ZNF385D: variants seen among roughly 807,000 people sequenced by gnomAD.
The protein encoded by ZNF385D is zinc finger protein 659.
In ZNF385D, 15 loss-of-function variants were observed where a neutral mutation model predicts 35.8. The ratio of observed to expected loss-of-function variants is 0.42; its 90% CI spans 0.28 to 0.64. The LOEUF is 0.64. ZNF385D is among the 30% of genes least tolerant of loss of function. The pLI, the probability that ZNF385D is intolerant of heterozygous loss-of-function variation, is 0.23. For synonymous variants in ZNF385D, 212 were observed against 186.8 expected, an observed-to-expected ratio of 1.13 and a Z score of -1.10; for missense variants, 474 against 494.6, an observed-to-expected ratio of 0.96 and a Z score of 0.39.
intron 3 of ZNF385D, among the ~76,000 whole-genome samples, chr3:21,987,607 TC>T (rs1694882155): frequency 7.4e-6 from 1 of 135,176 alleles, no homozygotes; most frequent in Admixed American, 7.0e-5. Context: ...TAACATTTTT[TC>T]CTTCATTTCA....
chr3:21,886,200 T>C (rs2646911), intron 3 of ZNF385D, among the ~76,000 whole-genome samples: 62,130 of 151,736 alleles, frequency 0.41, 12,877 homozygotes, highest in East Asian at 0.54. Flanking sequence ...CTTCTAGTGG[T>C]CTGCCTATTT....
chr3:21,812,949 G>A lies in ZNF385D; in HGVS notation c.326-147921C>T, dbSNP rs902495959. Among the ~76,000 whole-genome samples the A allele has an allele frequency of 9.2e-5, 14 of 152,260 alleles. No homozygotes were observed. In the South Asian group the frequency reaches 2.3e-3, roughly 25 times the overall value. ...CCAACTGGGAGACACCTCCCAGTAC[G>A]GGCCAACTGACACCTCATACAGCTG... is the stretch of plus-strand genomic sequence containing the variant. On this transcript the variant is annotated intron_variant, in intron 3 of 5. Transcript: ENST00000494108.
intron 3 of ZNF385D, among the ~76,000 whole-genome samples, chr3:21,519,341 ACTTTTCAAAG>A (rs1370134805): frequency 6.6e-6 from 1 of 152,190 alleles, no homozygotes; most frequent in Non-Finnish European, 1.5e-5. Flanking sequence ...AGATGGGGTC[ACTTTTCAAAG>A]CTTCTCAACT....
chr3:21,541,071 C>G (rs567974510), intron 3 of ZNF385D, among the ~76,000 whole-genome samples: 1 of 152,238 alleles, frequency 6.6e-6, no homozygotes, highest in South Asian at 2.1e-4. Flanking sequence ...ATAGTAGTAC[C>G]TGGATTGTGC....
chr3:22,320,633 A>G (rs759645439), intron 2 of ZNF385D, among the ~76,000 whole-genome samples: 4 of 150,304 alleles, frequency 2.7e-5, no homozygotes, highest in Non-Finnish European at 5.9e-5. Context: ...GCAACTAGAT[A>G]TACATTAAAT....
At chr3:22,122,242 C>G (rs1703127402) in intron 3 of ZNF385D, among the ~76,000 whole-genome samples, 1 of 152,110 alleles carries the variant, frequency 6.6e-6, no homozygotes, top group African/African-American at 2.4e-5. Flanking sequence ...CTTGCTCTTA[C>G]TAATTGAAGC....
chr3:21,509,000 T>C (rs1328239711), intron 4 of ZNF385D, among the ~76,000 whole-genome samples: 5 of 149,638 alleles, frequency 3.3e-5, no homozygotes, highest in African/African-American at 1.2e-4. Flanking sequence ...TTTTTTGAGA[T>C]GGAGTCTCGC....
At chr3:21,702,071 G>C (rs113377231) in intron 1 of ZNF385D, among the ~76,000 whole-genome samples, 2,624 of 152,298 alleles carry the variant, frequency 0.017, 72 homozygotes, top group African/African-American at 0.058. Context: ...CCACTAGGCA[G>C]TGCACCAGTA....
At chr3:21,579,600 T>G (rs1433281944) in intron 2 of ZNF385D, 1 of 152,280 alleles carries the variant, frequency 6.6e-6, no homozygotes, top group African/African-American at 2.4e-5. Context: ...TTCATATTTA[T>G]TTTTTAATAT....
intron 3 of ZNF385D, among the ~76,000 whole-genome samples, chr3:21,826,432 A>C (rs923772058): frequency 2.1e-4 from 32 of 152,158 alleles, no homozygotes; most frequent in Admixed American, 6.5e-4. Context: ...AGGTGACACT[A>C]GTTGGAAGAA....
chr3:22,037,716 G>T (rs1396410168), intron 3 of ZNF385D, among the ~76,000 whole-genome samples: 1 of 152,070 alleles, frequency 6.6e-6, no homozygotes, highest in Non-Finnish European at 1.5e-5. Flanking sequence ...AGTTTAATTA[G>T]ATCCCATTTG....
chr3:22,318,179 C>G (rs893947268), intron 2 of ZNF385D, among the ~76,000 whole-genome samples: 1 of 151,802 alleles, frequency 6.6e-6, no homozygotes, highest in Non-Finnish European at 1.5e-5. Context: ...TACTGAAATG[C>G]TAGGGGTGGA....
intron 3 of ZNF385D, among the ~76,000 whole-genome samples, chr3:22,058,134 T>C (rs997017145): frequency 3.9e-5 from 6 of 152,206 alleles, no homozygotes; most frequent in Non-Finnish European, 5.9e-5. Flanking sequence ...TCCAAAGATA[T>C]GTGGTTCCTT....
chr3:22,104,792 G>A (rs569594890), intron 3 of ZNF385D, among the ~76,000 whole-genome samples: 81 of 152,194 alleles, frequency 5.3e-4, no homozygotes, highest in Middle Eastern at 6.8e-3. Flanking sequence ...TCTGTGCCAC[G>A]AAGTATACTA....
intron 1 of ZNF385D, among the ~76,000 whole-genome samples, chr3:21,742,468 G>A (rs1244601456): frequency 6.6e-6 from 1 of 152,220 alleles, no homozygotes; most frequent in African/African-American, 2.4e-5. Flanking sequence ...TTTGTCCTGA[G>A]ATCTATTCTT....
At position 21,751,207 on chromosome 3, in the gene ZNF385D, G is replaced by C. The variant is rs2070064799; in HGVS notation, c.-291C>G. ...GTCCTTGCCGCGCCTGTGACATCAG[G>C]ACTGAGAGTACTACAAGCAGACCCC... On this transcript the variant is annotated 5_prime_UTR_variant, in exon 1 of 8. Transcript: ENST00000281523. 3 of 1,335,198 alleles carry C rather than the reference G, an allele frequency of 2.2e-6. No individual in the cohort carries two copies. The East Asian group carries it at 9.8e-5, about 43-fold the overall frequency. 82.7% of individuals were successfully genotyped at this position (1,335,198 alleles called of 1,614,324 possible). A position where few individuals can be genotyped will look rare whatever the true frequency, so the allele number is the denominator to read the frequency against.
rs569613003 is a variant in ZNF385D, at chr3:21,965,951, C to G, written c.325+202866G>C. Among the ~76,000 whole-genome samples, 3 of 152,214 alleles carry G rather than the reference C, an allele frequency of 2.0e-5. No individual in the cohort carries two copies. The South Asian group carries it at 6.2e-4, about 32-fold the overall frequency. Reference sequence around the variant, plus strand: ...AAAGTCTAGATAAGAGTTCTTTGTACTATTCTTGTAAATTTTCTGTAAGTT... The same window carrying G: ...AAAGTCTAGATAAGAGTTCTTTGTAGTATTCTTGTAAATTTTCTGTAAGTT... On this transcript the variant is annotated intron_variant, in intron 3 of 5. Coordinates refer to the ZNF385D transcript ENST00000494108.
upstream of ZNF385D, among the ~76,000 whole-genome samples, chr3:21,753,500 A>C (rs945955233): frequency 6.6e-6 from 1 of 152,200 alleles, no homozygotes; most frequent in African/African-American, 2.4e-5. Context: ...CTTTGAAAGA[A>C]TATGGCATTC....
chr3:21,574,675 A>G (rs2063441664), intron 2 of ZNF385D, among the ~76,000 whole-genome samples: 1 of 152,096 alleles, frequency 6.6e-6, no homozygotes, highest in Non-Finnish European at 1.5e-5. Flanking sequence ...GAGAGGATTT[A>G]GGGGGTAACT....
Sources: allele counts gnomAD v4.1 joint callset (sites outside exome capture counted in the v4.1 genomes callset), GRCh38; gene constraint gnomAD v4.1.1; transcripts MANE v1.5; gene names NCBI Gene and HGNC (gene_info 2026-07-23, HGNC 2026-07-21).